BRAF: variants seen among roughly 807,000 people sequenced by gnomAD.
BRAF encodes B-Raf proto-oncogene, serine/threonine kinase, also known as serine/threonine-protein kinase B-raf.
BRAF carries 16 observed loss-of-function variants against 104.6 expected under a neutral mutation model. The ratio of observed to expected loss-of-function variants is 0.15; its 90% CI spans 0.10 to 0.23. The LOEUF (loss-of-function observed/expected upper bound fraction) is 0.23. Among genes scored for constraint, BRAF ranks in the 10% least tolerant of loss-of-function variants. The pLI, the probability that BRAF is intolerant of heterozygous loss-of-function variation, is 1.00. For synonymous variants in BRAF, 310 were observed against 341.6 expected, an observed-to-expected ratio of 0.91 and a Z score of 1.02; for missense variants, 541 against 937.3, an observed-to-expected ratio of 0.58 and a Z score of 5.52.
intron 17 of BRAF, chr7:140,747,537 A>G: frequency 2.0e-6 from 1 of 490,426 alleles, no homozygotes; most frequent in East Asian, 7.5e-5. Flanking sequence ...TTATAATTTT[A>G]TTATTGTACT....
At chr7:140,827,487 G>A (rs1183720681) in intron 3 of BRAF, among the ~76,000 whole-genome samples, 1 of 152,154 alleles carries the variant, frequency 6.6e-6, no homozygotes, top group Non-Finnish European at 1.5e-5. Context: ...AATCACAGGG[G>A]AAACTTTATT....
rs2130819098 is a variant in BRAF at position 140,721,408 on chromosome 7, T to C, written c.*5086A>G. On this transcript the variant is annotated 3_prime_UTR_variant, in exon 20 of 20. Coordinates refer to ENST00000644969, the MANE Select transcript of BRAF (RefSeq NM_001374258.1). Reference sequence around the variant, plus strand: ...AACTGTTAATTACCCTTTCCACAATTAACAAAAATTAGAATTGAATTTCAA... The same window carrying C: ...AACTGTTAATTACCCTTTCCACAATCAACAAAAATTAGAATTGAATTTCAA... 1 of 1,252,070 alleles carries C rather than the reference T, an allele frequency of 8.0e-7. No individual in the cohort carries two copies. Among genetic ancestry groups the C allele is most frequent in the African/African-American group, 1.5e-5 (1 of 64,772 alleles). The allele number at this position is 1,252,070 out of a possible 1,614,324, so 77.6% of individuals were successfully genotyped here. A position where few individuals can be genotyped will look rare whatever the true frequency, so the allele number is the denominator to read the frequency against.
intron 1 of BRAF, among the ~76,000 whole-genome samples, chr7:140,864,364 C>T (rs567703424): frequency 1.1e-4 from 16 of 152,250 alleles, no homozygotes; most frequent in South Asian, 4.1e-4. Flanking sequence ...ATGTGTGCAA[C>T]GGGTGGACAG....
intron 1 of BRAF, among the ~76,000 whole-genome samples, chr7:140,906,414 C>G (rs1405567931): frequency 1.3e-5 from 2 of 152,204 alleles, no homozygotes; most frequent in East Asian, 1.9e-4. Context: ...GTTGCCCAGG[C>G]TGGTCTCAAA....
intron 1 of BRAF, among the ~76,000 whole-genome samples, chr7:140,911,195 C>T (rs1563033006): frequency 6.6e-6 from 1 of 152,200 alleles, no homozygotes; most frequent in African/African-American, 2.4e-5. Flanking sequence ...CCCACACACT[C>T]TTGACTTTGA....
chr7:140,761,057 T>C (rs956175853), intron 14 of BRAF, among the ~76,000 whole-genome samples: 11 of 152,070 alleles, frequency 7.2e-5, no homozygotes, highest in African/African-American at 1.9e-4. Context: ...AGATACTCCT[T>C]GAGAAGAGCA....
intron 1 of BRAF, among the ~76,000 whole-genome samples, chr7:140,919,146 CAAA>C (rs572137875): frequency 0.18 from 16,319 of 91,708 alleles, 1,154 homozygotes; most frequent in South Asian, 0.26. Context: ...GACTCCGTCT[CAAA>C]AAAAAAAAAA....
rs77114865 is a variant in BRAF, at chr7:140,773,917, T to C, written c.1814+2995A>G. On this transcript the variant is annotated intron_variant, in intron 14 of 19. Transcript: ENST00000644969. Reference sequence around the variant, plus strand: ...TCTCTGTTATCCCCATCCTTATGTGTCCATGCTTTAAAAAAAATTCCTTTA... The same window carrying C: ...TCTCTGTTATCCCCATCCTTATGTGCCCATGCTTTAAAAAAAATTCCTTTA... 1.1e-3 allele frequency among the ~76,000 whole-genome samples: 168 copies of C among 152,320 alleles called. 2 individuals are homozygous for C. In the East Asian group the frequency reaches 0.031, roughly 28 times the overall value.
intron 1 of BRAF, among the ~76,000 whole-genome samples, chr7:140,889,591 G>A (rs1421537891): frequency 1.3e-5 from 2 of 152,048 alleles, no homozygotes; most frequent in African/African-American, 2.4e-5. Flanking sequence ...GTGTATTAAT[G>A]CAAGCAAGTT....
At chr7:140,808,351 C>CAAAA (rs35843886) in intron 4 of BRAF, 70 of 199,072 alleles carry the variant, frequency 3.5e-4, no homozygotes, top group African/African-American at 5.9e-4. Flanking sequence ...TCCTGGGGTC[C>CAAAA]AAAAAAAAAA....
At chr7:140,738,170 AG>A (rs1478925345) in intron 18 of BRAF, among the ~76,000 whole-genome samples, 5 of 152,232 alleles carry the variant, frequency 3.3e-5, no homozygotes, top group African/African-American at 4.8e-5. Context: ...TCTTCCTCAA[AG>A]GAACAGTAAC....
intron 3 of BRAF, among the ~76,000 whole-genome samples, chr7:140,829,959 C>A (rs553848666): frequency 6.6e-6 from 1 of 152,136 alleles, no homozygotes; most frequent in African/African-American, 2.4e-5. Flanking sequence ...TATCTTTTTT[C>A]TCATATTTGC....
At chr7:140,900,214 T>G (rs897915361) in intron 1 of BRAF, among the ~76,000 whole-genome samples, 1 of 152,270 alleles carries the variant, frequency 6.6e-6, no homozygotes, top group Non-Finnish European at 1.5e-5. Context: ...TTGCCTTGCC[T>G]TTTGAGTGTC....
rs533730085 is a variant in BRAF at position 140,900,989 on chromosome 7, T to G, written c.138+23577A>C. 1.1e-4 allele frequency among the ~76,000 whole-genome samples: 16 copies of G among 152,282 alleles called. No homozygotes were observed. In the South Asian group the frequency reaches 1.5e-3, roughly 14 times the overall value. On this transcript the variant is annotated intron_variant, in intron 1 of 19. Transcript: ENST00000644969. ...CATGCCTGTGAGACCCTCAAGGTCA[T>G]CCTCCCTCTCTGCTCAGTTGGGTAA...
At chr7:140,839,805 A>C (rs1451025189) in intron 2 of BRAF, among the ~76,000 whole-genome samples, 1 of 152,238 alleles carries the variant, frequency 6.6e-6, no homozygotes, top group African/African-American at 2.4e-5. Context: ...ATTCCCTACA[A>C]GGCAAGTTGA....
chr7:140,885,635 T>G (rs1402325669), intron 1 of BRAF, among the ~76,000 whole-genome samples: 1 of 152,230 alleles, frequency 6.6e-6, no homozygotes, highest in Non-Finnish European at 1.5e-5. Flanking sequence ...GCGGCAACTG[T>G]GTCTATTTTT....
intron 1 of BRAF, among the ~76,000 whole-genome samples, chr7:140,887,313 CAT>C (rs1463798921): frequency 6.6e-6 from 1 of 152,192 alleles, no homozygotes; most frequent in Non-Finnish European, 1.5e-5. Flanking sequence ...ATCAGGGAAT[CAT>C]GTGCAATGGT....
At chr7:140,823,822 G>A (rs1805728114) in intron 3 of BRAF, 1 of 152,162 alleles carries the variant, frequency 6.6e-6, no homozygotes, top group Admixed American at 6.5e-5. Flanking sequence ...GCCAACTCTT[G>A]TTATCTTCTT....
chr7:140,798,262 C>CTTTTTTTTTTATT (rs1025673669), intron 7 of BRAF, among the ~76,000 whole-genome samples: 1 of 32,622 alleles, frequency 3.1e-5, no homozygotes, highest in Non-Finnish European at 5.4e-5. Flanking sequence ...TGTATGGGGA[C>CTTTTTTTTTTATT]TTTTTTTTTC....
Sources: gnomAD v4.1 joint callset for allele counts (sites outside exome capture counted in the v4.1 genomes callset) on GRCh38, gnomAD v4.1.1 for gene constraint, MANE v1.5 for transcripts, NCBI Gene and HGNC (gene_info 2026-07-23, HGNC 2026-07-21) for gene names.